NCAM2: variants seen among roughly 807,000 people sequenced by gnomAD.
The protein encoded by NCAM2 is neural cell adhesion molecule 2.
Under a neutral mutation model 98.1 loss-of-function variants are expected in NCAM2, and 30 were observed. The ratio of observed to expected loss-of-function variants is 0.31; its 90% CI spans 0.23 to 0.41. NCAM2 has a LOEUF of 0.41. Among genes scored for constraint, NCAM2 ranks in the 10% least tolerant of loss-of-function variants. The probability of loss-of-function intolerance (pLI) is 1.00; values close to 1 mark genes in which losing one functional copy is unlikely to be tolerated. For synonymous variants in NCAM2, 368 were observed against 342.4 expected (o/e 1.07, Z -0.83); for missense variants, 867 against 1,005.8 (o/e 0.86, Z 1.87).
intron 8 of NCAM2, among the ~76,000 whole-genome samples, chr21:21,369,364 A>T (rs942098305): frequency 6.6e-6 from 1 of 151,694 alleles, no homozygotes; most frequent in East Asian, 1.9e-4. Context: ...GTTTTTTTCA[A>T]TCCATGCACC....
At chr21:21,343,394 C>CACAT (rs1021014994) in intron 8 of NCAM2, among the ~76,000 whole-genome samples, 2,494 of 151,326 alleles carry the variant, frequency 0.016, 70 homozygotes, top group African/African-American at 0.058. Flanking sequence ...CACACACACA[C>CACAT]AATCTTCATG....
At chr21:21,259,694 A>G (rs1452032289) in intron 1 of NCAM2, among the ~76,000 whole-genome samples, 1 of 152,094 alleles carries the variant, frequency 6.6e-6, no homozygotes, top group African/African-American at 2.4e-5. Flanking sequence ...GCCCAGCAGG[A>G]CATAGTTTGT....
intron 1 of NCAM2, among the ~76,000 whole-genome samples, chr21:21,041,667 A>G (rs2064907399): frequency 1.3e-5 from 2 of 152,202 alleles, no homozygotes; most frequent in South Asian, 4.1e-4. Flanking sequence ...AGTTTTTCAC[A>G]AAGTAGATGC....
In NCAM2 at chr21:21,373,853, A is replaced by G. The variant is rs1201032744; in HGVS notation, c.1045-10A>G. The stretch of plus-strand genomic sequence containing the variant: ...TAAAATCTTTCTTTTTCCTGAATCG[A>G]TGTAAACAGAGCCTGGACGGCCGTA... On this transcript the variant is annotated splice_polypyrimidine_tract_variant and intron_variant, in intron 8 of 17. Coordinates refer to ENST00000400546, the MANE Select transcript of NCAM2 (RefSeq NM_004540.5). The G allele has an allele frequency of 6.3e-7, 1 of 1,596,926 alleles. No individual in the cohort carries two copies. The highest frequency in any genetic ancestry group is 1.8e-5 in the Admixed American group (1 of 56,848).
intron 1 of NCAM2, among the ~76,000 whole-genome samples, chr21:21,001,573 G>GT (rs1292563282): frequency 6.6e-6 from 1 of 152,110 alleles, no homozygotes; most frequent in African/African-American, 2.4e-5. Context: ...CCAAACTGTT[G>GT]TATGTATGGA....
intron 8 of NCAM2, among the ~76,000 whole-genome samples, chr21:21,343,394 C>CACACACACACACAA (rs1021014994): frequency 1.3e-5 from 2 of 151,218 alleles, no homozygotes; most frequent in African/African-American, 4.9e-5. Context: ...CACACACACA[C>CACACACACACACAA]AATCTTCATG....
chr21:21,178,943 A>G lies in NCAM2; in HGVS notation c.56-101635A>G, dbSNP rs542285068. ...AAATTTTCTCACAAAGGTGGTGTCT[A>G]CCTTACAAGTCCATGAATTACTGAG... is the stretch of plus-strand genomic sequence containing the variant. On this transcript the variant is annotated intron_variant, in intron 1 of 17. Transcript: ENST00000400546. 5.9e-5 allele frequency among the ~76,000 whole-genome samples: 9 copies of G among 152,210 alleles called. No individual in the cohort carries two copies. In the South Asian group the frequency reaches 1.0e-3, roughly 18 times the overall value.
At chr21:21,234,970 C>A (rs965676865) in intron 1 of NCAM2, among the ~76,000 whole-genome samples, 1 of 151,918 alleles carries the variant, frequency 6.6e-6, no homozygotes, top group Non-Finnish European at 1.5e-5. Context: ...TTTATAATGG[C>A]ATAATGTCTG....
chr21:21,310,192 A>G (rs180794465), intron 5 of NCAM2, among the ~76,000 whole-genome samples: 1 of 152,128 alleles, frequency 6.6e-6, no homozygotes, highest in Non-Finnish European at 1.5e-5. Context: ...ATCTTGTTCT[A>G]TAATAAATTA....
intron 1 of NCAM2, 64 bp from the exon 2 acceptor site, chr21:21,280,514 T>C: frequency 9.0e-7 from 1 of 1,105,678 alleles, no homozygotes; most frequent in Non-Finnish European, 1.3e-6. Context: ...TTAGACATCA[T>C]GCATTAAAAT....
chr21:21,066,742 A>G (rs1291051445), intron 1 of NCAM2, among the ~76,000 whole-genome samples: 1 of 152,138 alleles, frequency 6.6e-6, no homozygotes, highest in African/African-American at 2.4e-5. Flanking sequence ...GAAATATTAT[A>G]AATATATATA....
intron 1 of NCAM2, among the ~76,000 whole-genome samples, chr21:21,119,998 C>T (rs1253475005): frequency 6.6e-6 from 1 of 152,170 alleles, no homozygotes; most frequent in East Asian, 1.9e-4. Flanking sequence ...GATACTTCTC[C>T]ATTACCTCAG....
At chr21:21,335,361 A>T in intron 6 of NCAM2, 144 bp from the exon 7 acceptor site, 2 of 535,004 alleles carry the variant, frequency 3.7e-6, no homozygotes, top group Admixed American at 4.2e-5. Flanking sequence ...GGCTACTAAA[A>T]ATATACTTTT....
chr21:21,157,796 G>A (rs1291193092), intron 1 of NCAM2, among the ~76,000 whole-genome samples: 3 of 152,090 alleles, frequency 2.0e-5, no homozygotes. Flanking sequence ...AGGCAAAGTG[G>A]TTAGTCTTTA....
chr21:21,527,102 A>G (rs1430784050), intron 16 of NCAM2, among the ~76,000 whole-genome samples: 1 of 143,308 alleles, frequency 7.0e-6, no homozygotes, highest in Non-Finnish European at 1.5e-5. Flanking sequence ...AGCACAATCC[A>G]TGAAAGAAAG....
rs544516855 is a variant in NCAM2 at position 21,241,232 on chromosome 21, T to A, written c.56-39346T>A. Among the ~76,000 whole-genome samples the A allele has an allele frequency of 9.2e-5, 14 of 152,238 alleles. No homozygotes were observed. In the South Asian group the frequency reaches 2.9e-3, roughly 32 times the overall value. ...CAATGACAACAAAAAAATGGCTTTT[T>A]AAAAATATATTGTTCTTTTGGAAAT... On this transcript the variant is annotated intron_variant, in intron 1 of 17. Coordinates refer to ENST00000400546, the MANE Select transcript of NCAM2 (RefSeq NM_004540.5).
chr21:21,286,633 T>A (rs969298986), intron 4 of NCAM2, among the ~76,000 whole-genome samples: 2 of 151,858 alleles, frequency 1.3e-5, no homozygotes, highest in African/African-American at 4.8e-5. Context: ...AACACAGTTA[T>A]GCCCGTTCAC....
chr21:21,430,243 G>A (rs1449128561), intron 11 of NCAM2, among the ~76,000 whole-genome samples: 1 of 151,536 alleles, frequency 6.6e-6, no homozygotes, highest in East Asian at 2.0e-4. Context: ...GACCAGGCTG[G>A]TCTCAAACTC....
chr21:21,418,366 T>C, intron 10 of NCAM2, 107 bp from the exon 11 acceptor site: 1 of 760,884 alleles, frequency 1.3e-6, no homozygotes, highest in Non-Finnish European at 2.3e-6. Context: ...GGTAAGGAGT[T>C]GTTGGGTAAA....
Sources: gnomAD v4.1 joint callset for allele counts (sites outside exome capture counted in the v4.1 genomes callset) on GRCh38, gnomAD v4.1.1 for gene constraint, MANE v1.5 for transcripts, NCBI Gene and HGNC (gene_info 2026-07-23, HGNC 2026-07-21) for gene names.